Variants in DYDC2 observed in about 807,000 individuals in gnomAD.
The protein encoded by DYDC2 is DPY30 domain-containing protein 2.
DYDC2 carries 19 observed loss-of-function variants against 18.7 expected under a neutral mutation model. The observed-to-expected ratio is 1.02, with a 90% confidence interval of 0.71 to 1.49. The LOEUF (loss-of-function observed/expected upper bound fraction) is 1.49. Ranked by LOEUF, DYDC2 falls within the 40% of genes most tolerant of loss-of-function variation. The pLI, the probability that DYDC2 is intolerant of heterozygous loss-of-function variation, is 0.00. For missense variants in DYDC2, 179 were observed against 205.1 expected (o/e 0.87, Z 0.78); for synonymous variants, 63 against 67.6 (o/e 0.93, Z 0.34).
rs569702025 is a variant in DYDC2 at position 80,367,914 on chromosome 10, C to T, written c.*963C>T. On this transcript the variant is annotated 3_prime_UTR_variant, in exon 5 of 5. Transcript: ENST00000256039. ...TTGTGCAACCATCATCACCATCCGG[C>T]TGCAAAACTCTTTCATCTTGCAAAA... 6.6e-6 allele frequency: 1 copy of T among 150,774 alleles called. No homozygotes were observed. Among genetic ancestry groups the T allele is most frequent in the African/African-American group, 2.5e-5 (1 of 40,798 alleles). 9.3% of individuals were successfully genotyped at this position (150,774 alleles called of 1,614,324 possible).
At chr10:80,353,935 G>A (rs985852334), upstream of DYDC2, among the ~76,000 whole-genome samples, 19 of 151,972 alleles carry the variant, frequency 1.3e-4, no homozygotes, top group African/African-American at 4.6e-4. Context: ...GAAACTATGT[G>A]AAACCCAGTC....
chr10:80,353,394 C>T (rs1843123155), upstream of DYDC2, among the ~76,000 whole-genome samples: 1 of 150,670 alleles, frequency 6.6e-6, no homozygotes, highest in African/African-American at 2.4e-5. Context: ...GATCTCCTGA[C>T]CTCGTGATCC....
chr10:80,363,414 G>A (rs955032848), intron 4 of DYDC2, among the ~76,000 whole-genome samples: 2 of 129,996 alleles, frequency 1.5e-5, no homozygotes, highest in Non-Finnish European at 3.1e-5. Context: ...GAGCGATCTC[G>A]TCTCACTACA....
intron 1 of DYDC2, among the ~76,000 whole-genome samples, chr10:80,348,136 G>C (rs1842778934): frequency 6.6e-6 from 1 of 152,082 alleles, no homozygotes; most frequent in Non-Finnish European, 1.5e-5. Context: ...TTTTGCATTA[G>C]TGTTTTACAG....
At chr10:80,366,197 T>A (rs1843834250) in intron 4 of DYDC2, among the ~76,000 whole-genome samples, 1 of 151,906 alleles carries the variant, frequency 6.6e-6, no homozygotes, top group South Asian at 2.1e-4. Context: ...CACACCCAGC[T>A]AATTTTTTTA....
chr10:80,360,589 G>A (rs1843634658), intron 2 of DYDC2, among the ~76,000 whole-genome samples: 1 of 151,942 alleles, frequency 6.6e-6, no homozygotes, highest in Non-Finnish European at 1.5e-5. Flanking sequence ...ACACATTTGG[G>A]AGCCATTATT....
chr10:80,359,236 T>G (rs1843582934), intron 2 of DYDC2, among the ~76,000 whole-genome samples: 2 of 152,154 alleles, frequency 1.3e-5, no homozygotes, highest in Admixed American at 1.3e-4. Context: ...ACAAAAGTTC[T>G]CCAAGTCCCC....
At position 80,367,108 on chromosome 10, in the gene DYDC2, A is replaced by C; in HGVS notation, c.*157A>C. On this transcript the variant is annotated 3_prime_UTR_variant, in exon 5 of 5. Transcript: ENST00000256039. Reference sequence around the variant, plus strand: ...AAACCCTTAATCATGTGAACATTTGAACTAGTTATAGGATAAAATAAACTC... The same window carrying C: ...AAACCCTTAATCATGTGAACATTTGCACTAGTTATAGGATAAAATAAACTC... 1.2e-6 allele frequency: 1 copy of C among 837,622 alleles called. No homozygotes were observed. Among genetic ancestry groups the C allele is most frequent in the South Asian group, 1.8e-5 (1 of 55,046 alleles). 51.9% of individuals were successfully genotyped at this position (837,622 alleles called of 1,614,324 possible).
upstream of DYDC2, among the ~76,000 whole-genome samples, chr10:80,355,838 G>T (rs1325065703): frequency 1.3e-5 from 2 of 152,112 alleles, no homozygotes; most frequent in East Asian, 3.9e-4. Context: ...AATTCCAAAT[G>T]AGGTTGATAT....
intron 4 of DYDC2, among the ~76,000 whole-genome samples, chr10:80,364,996 G>A (rs1843782643): frequency 6.6e-6 from 1 of 152,200 alleles, no homozygotes; most frequent in African/African-American, 2.4e-5. Context: ...ATTGCTCCTT[G>A]CTATTGGTCA....
Position 80,344,865 on chromosome 10 carries a change from T to C in DYDC2, c.-310+50T>C, listed in dbSNP as rs1437879919. 3.5e-5 allele frequency: 6 copies of C among 172,516 alleles called. No homozygotes were observed. The South Asian group carries it at 7.5e-4, about 22-fold the overall frequency. The allele number at this position is 172,516 out of a possible 1,614,324, so 10.7% of individuals were successfully genotyped here. ...CTTCCCAGTGTTGGGTATGTCTTTA[T>C]CAGCTGCTTGAAAATGGACTAATAC... On this transcript the variant is annotated intron_variant, in intron 1 of 4. Transcript: ENST00000372197.
chr10:80,352,539 C>T (rs746925322), upstream of DYDC2: 79 of 1,613,506 alleles, frequency 4.9e-5, no homozygotes, highest in East Asian at 2.5e-4. Flanking sequence ...GAACTCTTGC[C>T]ACTTCTGCAA....
At chr10:80,356,156 C>G (rs1331302991), upstream of DYDC2, 1 of 809,512 alleles carries the variant, frequency 1.2e-6, no homozygotes, top group East Asian at 1.3e-4. Flanking sequence ...CAGTGGGACC[C>G]AGGCAAGGCC....
upstream of DYDC2, among the ~76,000 whole-genome samples, chr10:80,353,665 C>T (rs546699703): frequency 1.3e-4 from 20 of 151,170 alleles, no homozygotes; most frequent in Admixed American, 3.9e-4. Flanking sequence ...TCCTGGCTAA[C>T]GGATCTCCTT....
At position 80,362,348 on chromosome 10, in the gene DYDC2, A is replaced by G; in HGVS notation, c.-9-87A>G. On this transcript the variant is annotated intron_variant, in intron 2 of 4. Transcript: ENST00000256039. ...CAGAAGCATCTCATATTTATCCTGA[A>G]ATAAATCTGAATTGGTTAGAATGTG... 16 of 1,495,138 alleles carry G rather than the reference A, an allele frequency of 1.1e-5. No individual in the cohort carries two copies. The South Asian group carries it at 1.9e-4, about 18-fold the overall frequency. 92.6% of individuals were successfully genotyped at this position (1,495,138 alleles called of 1,614,324 possible). A position where few individuals can be genotyped will look rare whatever the true frequency, so the allele number is the denominator to read the frequency against.
At chr10:80,363,307 T>C (rs1004370398) in intron 4 of DYDC2, among the ~76,000 whole-genome samples, 1 of 151,098 alleles carries the variant, frequency 6.6e-6, no homozygotes, top group Non-Finnish European at 1.5e-5. Context: ...TAGGAAATAC[T>C]CTGGTGTTAC....
At chr10:80,355,642 G>C (rs1240169297), upstream of DYDC2, among the ~76,000 whole-genome samples, 1 of 152,158 alleles carries the variant, frequency 6.6e-6, no homozygotes, top group Non-Finnish European at 1.5e-5. Flanking sequence ...AGATGTACAA[G>C]AGAATGAAGA....
Position 80,357,962 on chromosome 10 carries a change from TAC to T in DYDC2, c.-92_-91del, listed in dbSNP as rs1843490642. The T allele has an allele frequency of 1.0e-6, 1 of 985,086 alleles. No homozygotes were observed. Among genetic ancestry groups the T allele is most frequent in the Non-Finnish European group, 1.2e-6 (1 of 829,730 alleles). 61.0% of individuals were successfully genotyped at this position (985,086 alleles called of 1,614,324 possible). A position where few individuals can be genotyped will look rare whatever the true frequency, so the allele number is the denominator to read the frequency against. On this transcript the variant is annotated 5_prime_UTR_variant, in exon 2 of 5. Transcript: ENST00000256039. ...CAACCCCTATTCTTATCACCTTGCC[TAC>T]TGAGTGCAAGTCCAGGAACTGTGTA...
intron 2 of DYDC2, among the ~76,000 whole-genome samples, chr10:80,361,052 C>T (rs1298056122): frequency 2.0e-5 from 3 of 152,102 alleles, no homozygotes; most frequent in East Asian, 1.9e-4. Flanking sequence ...GATTTATAGG[C>T]GTGCACCACC....
Sources: gnomAD v4.1 joint callset for allele counts (sites outside exome capture counted in the v4.1 genomes callset) on GRCh38, gnomAD v4.1.1 for gene constraint, MANE v1.5 for transcripts, NCBI Gene and HGNC (gene_info 2026-07-23, HGNC 2026-07-21) for gene names.